The following MYO16 variants were observed in gnomAD, a reference collection of about 807,000 sequenced individuals.
The protein encoded by MYO16 is myosin XVI, also known as unconventional myosin-XVI.
In MYO16, 94 loss-of-function variants were observed where a neutral mutation model predicts 205.3. That is an observed-to-expected ratio of 0.46 (90% CI 0.39 to 0.54). MYO16 has a LOEUF of 0.54. Among genes scored for constraint, MYO16 ranks in the 20% least tolerant of loss-of-function variants. The probability of loss-of-function intolerance (pLI) is 0.00; values close to 1 mark genes in which losing one functional copy is unlikely to be tolerated. For missense variants in MYO16, 2,315 were observed against 2,387.5 expected, an observed-to-expected ratio of 0.97 and a Z score of 0.63; for synonymous variants, 988 against 954.0, an observed-to-expected ratio of 1.04 and a Z score of -0.66.
intron 1 of MYO16, among the ~76,000 whole-genome samples, chr13:108,610,211 G>T (rs1259030926): frequency 1.3e-5 from 2 of 152,116 alleles, no homozygotes; most frequent in African/African-American, 4.8e-5. Flanking sequence ...AAGGATTAAA[G>T]GAGAGAGTGC....
chr13:108,626,845 G>A (rs1566512652), upstream of MYO16, among the ~76,000 whole-genome samples: 1 of 146,062 alleles, frequency 6.8e-6, no homozygotes, highest in African/African-American at 2.5e-5. Flanking sequence ...ATATGTGTGT[G>A]TATATATATA....
At chr13:108,785,885 A>C in intron 5 of MYO16, 142 bp downstream of exon 5, 2 of 602,750 alleles carry the variant, frequency 3.3e-6, no homozygotes, top group Non-Finnish European at 5.8e-6. Context: ...TTTTCCCTTC[A>C]GCTTTCCATT....
rs193921058 is a variant in MYO16, at chr13:109,120,425, T to G, written c.3494T>G (p.Leu1165Trp). 6.2e-7 allele frequency: 1 copy of G among 1,612,726 alleles called. No individual in the cohort carries two copies. Among genetic ancestry groups the G allele is most frequent in the African/African-American group, 1.3e-5 (1 of 74,944 alleles). ...KYWHADQLNDLCLQLQRKIIT... is the reference protein window; with the variant it reads ...KYWHADQLNDWCLQLQRKIIT... ...TGGCATGCTGACCAACTCAATGATT[T>G]GTGCCTACAGTTGCAGAGAAAAATT... Residue 1165 changes from leucine (L) to tryptophan (W), a missense_variant, in exon 29 of 35, where the codon TTG (leucine) becomes TGG (tryptophan). Coordinates refer to ENST00000457511, the MANE Select transcript of MYO16 (RefSeq NM_001198950.3).
chr13:108,671,341 T>C (rs1031822973), intron 2 of MYO16, among the ~76,000 whole-genome samples: 1 of 152,170 alleles, frequency 6.6e-6, no homozygotes, highest in Non-Finnish European at 1.5e-5. Context: ...CACAGCAAAC[T>C]GTATACACCC....
the MYO16 span, among the ~76,000 whole-genome samples, chr13:108,535,832 CTAAG>C: frequency 6.6e-6 from 1 of 152,184 alleles, no homozygotes. Context: ...TTCCAAAATA[CTAAG>C]TACTTTTCAA....
At chr13:109,087,261 G>A (rs1429619638) in intron 27 of MYO16, among the ~76,000 whole-genome samples, 2 of 152,208 alleles carry the variant, frequency 1.3e-5, no homozygotes, top group Admixed American at 1.3e-4. Context: ...ATGATATTCT[G>A]AACAGTAGAT....
chr13:108,849,619 T>TTGTGTG lies in MYO16; in HGVS notation c.1248+5168_1248+5173dup, dbSNP rs60404877. On this transcript the variant is annotated intron_variant, in intron 10 of 34. Coordinates refer to ENST00000457511, the MANE Select transcript of MYO16 (RefSeq NM_001198950.3). ...TCCAAATCCTGTTGAATTTCCTCTT[T>TTGTGTG]TGTGTGTGTGTGTGTGTGTGTGTGT... 5.1e-4 allele frequency among the ~76,000 whole-genome samples: 43 copies of TTGTGTG among 83,888 alleles called. 1 individual carries two copies. Among genetic ancestry groups the TTGTGTG allele is most frequent in the African/African-American group, 1.6e-3 (31 of 19,896 alleles). The allele number at this position is 83,888 out of a possible 152,430, so 55.0% of individuals were successfully genotyped here. A position where few individuals can be genotyped will look rare whatever the true frequency, so the allele number is the denominator to read the frequency against.
chr13:108,552,627 T>C, the MYO16 span, among the ~76,000 whole-genome samples: 41 of 152,192 alleles, frequency 2.7e-4, no homozygotes, highest in African/African-American at 9.9e-4. Context: ...CTCAAATACA[T>C]TCTCAGATGA....
At chr13:109,026,788 C>G (rs1408245807) in intron 23 of MYO16, among the ~76,000 whole-genome samples, 2 of 152,146 alleles carry the variant, frequency 1.3e-5, no homozygotes, top group South Asian at 2.1e-4. Context: ...TTGGCCTGAT[C>G]TGAATTTCCT....
the MYO16 span, among the ~76,000 whole-genome samples, chr13:108,535,445 A>G: frequency 4.6e-5 from 7 of 152,214 alleles, no homozygotes; most frequent in African/African-American, 1.7e-4. Context: ...CCATAGTTCA[A>G]TATGGTAGCT....
At chr13:108,983,726 T>C (rs1160308350) in intron 20 of MYO16, among the ~76,000 whole-genome samples, 1 of 152,148 alleles carries the variant, frequency 6.6e-6, no homozygotes, top group Non-Finnish European at 1.5e-5. Flanking sequence ...GCCTGAGGAA[T>C]AGGTTCCATG....
At position 108,739,451 on chromosome 13, in the gene MYO16, G is replaced by A. The variant is rs146904495; in HGVS notation, c.507+11868G>A. Among the ~76,000 whole-genome samples the A allele has an allele frequency of 9.8e-5, 15 of 152,324 alleles. No homozygotes were observed. In the East Asian group the frequency reaches 2.7e-3, roughly 27 times the overall value. ...GTTGAGAATTCTTCTCTTTAAGAAT[G>A]TTGAATATTGGCCCCCACTCTCTTC... On this transcript the variant is annotated intron_variant, in intron 4 of 34. Coordinates refer to ENST00000457511, the MANE Select transcript of MYO16 (RefSeq NM_001198950.3).
At chr13:108,740,232 C>T (rs1398205469) in intron 4 of MYO16, among the ~76,000 whole-genome samples, 1 of 148,840 alleles carries the variant, frequency 6.7e-6, no homozygotes, top group Non-Finnish European at 1.5e-5. Flanking sequence ...GAATTTTCAG[C>T]TTTTTGGCTC....
chr13:108,968,033 C>A (rs578030526), intron 20 of MYO16, among the ~76,000 whole-genome samples: 6 of 152,148 alleles, frequency 3.9e-5, no homozygotes, highest in Non-Finnish European at 7.3e-5. Flanking sequence ...CATTTGTATG[C>A]GAATGTCATT....
chr13:109,037,865 C>A (rs112446976), intron 23 of MYO16, among the ~76,000 whole-genome samples: 221 of 152,274 alleles, frequency 1.5e-3, no homozygotes, highest in African/African-American at 4.9e-3. Flanking sequence ...CTTTTGACAA[C>A]AGCTTGATGC....
intron 32 of MYO16, among the ~76,000 whole-genome samples, chr13:109,143,407 T>C (rs768088922): frequency 1.3e-5 from 2 of 152,196 alleles, no homozygotes; most frequent in Non-Finnish European, 2.9e-5. Flanking sequence ...ATTGTACTTC[T>C]AAATAGCAGA....
chr13:108,703,161 A>G (rs576715325), intron 2 of MYO16, among the ~76,000 whole-genome samples: 1 of 152,254 alleles, frequency 6.6e-6, no homozygotes, highest in African/African-American at 2.4e-5. Flanking sequence ...TCATCCAGCT[A>G]TATTTTGCCT....
At chr13:108,863,563 A>C (rs1716873673) in intron 11 of MYO16, among the ~76,000 whole-genome samples, 1 of 152,124 alleles carries the variant, frequency 6.6e-6, no homozygotes, top group South Asian at 2.1e-4. Context: ...TATTATCATT[A>C]TTACTAAATT....
chr13:109,179,877 A>G (rs1879383014), intron 34 of MYO16, among the ~76,000 whole-genome samples: 1 of 152,124 alleles, frequency 6.6e-6, no homozygotes, highest in South Asian at 2.1e-4. Context: ...TTTTAAATGA[A>G]ATATTGTAGA....
Sources: gnomAD v4.1 joint callset for allele counts (sites outside exome capture counted in the v4.1 genomes callset) on GRCh38, gnomAD v4.1.1 for gene constraint, MANE v1.5 for transcripts, NCBI Gene and HGNC (gene_info 2026-07-23, HGNC 2026-07-21) for gene names.